The following PIK3C2G variants were observed in gnomAD, a reference collection of about 807,000 sequenced individuals.
PIK3C2G encodes phosphatidylinositol 3-kinase C2 domain-containing subunit gamma.
PIK3C2G carries 168 observed loss-of-function variants against 181.1 expected under a neutral mutation model. The observed-to-expected ratio is 0.93, with a 90% CI of 0.82 to 1.05. The LOEUF is 1.05. PIK3C2G is among the 50% of genes least tolerant of loss of function. PIK3C2G has a pLI of 0.00. For missense variants in PIK3C2G, 1,869 were observed against 1,732.8 expected, an observed-to-expected ratio of 1.08 and a Z score of -1.40; for synonymous variants, 573 against 592.2, an observed-to-expected ratio of 0.97 and a Z score of 0.47.
At chr12:18,500,807 T>A (rs1941411873) in intron 22 of PIK3C2G, among the ~76,000 whole-genome samples, 1 of 152,070 alleles carries the variant, frequency 6.6e-6, no homozygotes, top group Non-Finnish European at 1.5e-5. Flanking sequence ...AGCTTTGTTC[T>A]CTCGCTCTTT....
At chr12:18,262,260 A>T (rs1391697627) in intron 1 of PIK3C2G, among the ~76,000 whole-genome samples, 1 of 152,156 alleles carries the variant, frequency 6.6e-6, no homozygotes, top group Non-Finnish European at 1.5e-5. Context: ...TCTGAAGCTT[A>T]GGATTAAAGT....
chr12:18,712,858 T>C, the PIK3C2G span: 1 of 1,613,834 alleles, frequency 6.2e-7, no homozygotes, highest in South Asian at 1.1e-5. Context: ...TGCATACTTG[T>C]GTATAGCTTG....
At chr12:18,598,577 C>A (rs1055767533) in intron 30 of PIK3C2G, among the ~76,000 whole-genome samples, 2 of 151,446 alleles carry the variant, frequency 1.3e-5, no homozygotes, top group African/African-American at 4.8e-5. Flanking sequence ...CCATTCAGGA[C>A]ATAGGCATGG....
At chr12:18,551,556 T>G (rs116231388) in intron 26 of PIK3C2G, among the ~76,000 whole-genome samples, 2,518 of 152,146 alleles carry the variant, frequency 0.017, 66 homozygotes, top group African/African-American at 0.057. Context: ...AAGTTCTCAT[T>G]TAGTAAGTAT....
chr12:18,352,150 C>T (rs1464849642), intron 11 of PIK3C2G, among the ~76,000 whole-genome samples: 4 of 152,138 alleles, frequency 2.6e-5, no homozygotes, highest in Non-Finnish European at 4.4e-5. Flanking sequence ...ATCCTCACAC[C>T]AGTGACACAA....
At chr12:18,625,489 A>T (rs1949056479) in intron 31 of PIK3C2G, among the ~76,000 whole-genome samples, 1 of 151,748 alleles carries the variant, frequency 6.6e-6, no homozygotes, top group South Asian at 2.1e-4. Context: ...AGAAAACTTT[A>T]TTATGTTGCT....
chr12:18,360,386 C>A (rs1941129466), intron 11 of PIK3C2G, among the ~76,000 whole-genome samples: 1 of 152,114 alleles, frequency 6.6e-6, no homozygotes, highest in South Asian at 2.1e-4. Flanking sequence ...TTAAATGCTA[C>A]ACCAGAGTTA....
the PIK3C2G span, chr12:18,693,623 T>C: frequency 7.0e-6 from 11 of 1,568,236 alleles, no homozygotes; most frequent in Non-Finnish European, 9.7e-6. Context: ...GTCCATTGTG[T>C]TTATTGATGA....
intron 23 of PIK3C2G, among the ~76,000 whole-genome samples, chr12:18,504,323 G>T (rs992524649): frequency 2.6e-5 from 4 of 152,118 alleles, no homozygotes; most frequent in African/African-American, 9.7e-5. Flanking sequence ...CTTTTTAGCT[G>T]TTCCCAAAAT....
intron 29 of PIK3C2G, among the ~76,000 whole-genome samples, chr12:18,569,104 T>C (rs1242559590): frequency 3.3e-5 from 5 of 152,070 alleles, no homozygotes; most frequent in Non-Finnish European, 2.9e-5. Flanking sequence ...AAATAGAATA[T>C]GGTGGAAGTG....
chr12:18,456,858 C>A (rs540129430), intron 18 of PIK3C2G, among the ~76,000 whole-genome samples: 14 of 152,274 alleles, frequency 9.2e-5, no homozygotes, highest in African/African-American at 3.4e-4. Context: ...TTTACTCTCA[C>A]CAACGGCTGA....
At chr12:18,593,825 AG>A (rs1482704362) in intron 29 of PIK3C2G, among the ~76,000 whole-genome samples, 1 of 151,898 alleles carries the variant, frequency 6.6e-6, no homozygotes, top group African/African-American at 2.4e-5. Flanking sequence ...TTTTTATTAA[AG>A]TAATATAATC....
chr12:18,244,627 T>C (rs1443128850), upstream of PIK3C2G, among the ~76,000 whole-genome samples: 1 of 147,556 alleles, frequency 6.8e-6, no homozygotes, highest in Non-Finnish European at 1.5e-5. Flanking sequence ...ATCAGGAAAA[T>C]ACTACAATTT....
chr12:18,320,349 G>A (rs921084902), intron 6 of PIK3C2G, among the ~76,000 whole-genome samples: 1 of 150,770 alleles, frequency 6.6e-6, no homozygotes, highest in African/African-American at 2.5e-5. Context: ...GTGTGTGTGA[G>A]CACACACATA....
chr12:18,574,959 C>A (rs533569107), intron 29 of PIK3C2G, among the ~76,000 whole-genome samples: 1 of 152,122 alleles, frequency 6.6e-6, no homozygotes, highest in African/African-American at 2.4e-5. Flanking sequence ...TGCATATATA[C>A]AAAATAGCCT....
chr12:18,547,342 TG>T (rs146420073), intron 26 of PIK3C2G, among the ~76,000 whole-genome samples: 2 of 152,122 alleles, frequency 1.3e-5, no homozygotes, highest in East Asian at 3.9e-4. Context: ...CGTACACACT[TG>T]GGGAATTTCA....
chr12:18,441,564 A>G (rs1017494641), intron 18 of PIK3C2G, among the ~76,000 whole-genome samples: 4 of 152,158 alleles, frequency 2.6e-5, no homozygotes, highest in African/African-American at 9.7e-5. Flanking sequence ...CACAAAGTCC[A>G]TACATAGTAA....
intron 8 of PIK3C2G, among the ~76,000 whole-genome samples, chr12:18,332,970 T>G (rs1384754111): frequency 6.6e-6 from 1 of 152,158 alleles, no homozygotes; most frequent in Non-Finnish European, 1.5e-5. Context: ...ACTCCCCATG[T>G]GTCTTGGGCT....
intron 18 of PIK3C2G, among the ~76,000 whole-genome samples, chr12:18,462,359 AG>A (rs1164224200): frequency 6.6e-6 from 1 of 152,184 alleles, no homozygotes; most frequent in Non-Finnish European, 1.5e-5. Context: ...CTTTTATAAA[AG>A]ATATAGCTAA....
Sources: allele counts gnomAD v4.1 joint callset (sites outside exome capture counted in the v4.1 genomes callset), GRCh38; gene constraint gnomAD v4.1.1; transcripts MANE v1.5; gene names NCBI Gene and HGNC (gene_info 2026-07-23, HGNC 2026-07-21).